Variants in ENTR1 observed in about 807,000 individuals in gnomAD.
The protein encoded by ENTR1 is endosome associated trafficking regulator 1, also known as endosome-associated-trafficking regulator 1.
ENTR1 carries 47 observed loss-of-function variants against 47.9 expected under a neutral mutation model. The ratio of observed to expected loss-of-function variants is 0.98; its 90% CI spans 0.78 to 1.25. The LOEUF is 1.25. Ranked by LOEUF, ENTR1 falls within the 50% of genes most tolerant of loss-of-function variation. The probability of loss-of-function intolerance (pLI) is 0.00; values close to 1 mark genes in which losing one functional copy is unlikely to be tolerated. For synonymous variants in ENTR1, 290 were observed against 245.8 expected, an observed-to-expected ratio of 1.18 and a Z score of -1.68; for missense variants, 668 against 570.5, an observed-to-expected ratio of 1.17 and a Z score of -1.74.
At chr9:136,408,920 A>G (rs989584252) in intron 3 of ENTR1, 79 bp downstream of exon 3, 13 of 1,163,144 alleles carry the variant, frequency 1.1e-5, no homozygotes, top group Non-Finnish European at 1.5e-5. Flanking sequence ...ATAGCCAGTC[A>G]CATTGACAGT....
chr9:136,404,920 G>A (rs1834690303), intron 7 of ENTR1, 171 bp downstream of exon 7: 1 of 677,938 alleles, frequency 1.5e-6, no homozygotes. Flanking sequence ...GCCCTCGTGG[G>A]CCAGCTATCC....
Position 136,404,082 on chromosome 9 carries a change from A to G in ENTR1, c.1181T>C (p.Val394Ala). The G allele has an allele frequency of 6.2e-7, 1 of 1,612,592 alleles. No individual in the cohort carries two copies. The highest frequency in any genetic ancestry group is 1.7e-5 in the Admixed American group (1 of 59,938). Residue 394 changes from valine (V) to alanine (A), a missense_variant, in exon 9 of 10, where the codon GTC (valine) becomes GCC (alanine). Coordinates refer to ENST00000357365, the MANE Select transcript of ENTR1 (RefSeq NM_001039707.2). ...ADVALQNLRV[V>A]MNSAQASIKQ... ...GATGGAAGCCTGTGCACTGTTCATG[A>G]CCACCCGGAGGTTCTGCAGGGCCAC...
In ENTR1 at chr9:136,407,199, A is replaced by C. The variant is rs767927601; in HGVS notation, c.765T>G (p.His255Gln). The stretch of plus-strand genomic sequence containing the variant: ...GGTGCCTGTCTCCCAGAGACTCTCC[A>C]TGAACCGCAAAGTCTGCGCTAGGAC... ...AGSPSADFAV[H>Q]GESLGDRHLR... Residue 255 changes from histidine to glutamine, a missense_variant, in exon 5 of 10, where the codon CAT becomes CAG. Coordinates refer to ENST00000357365, the MANE Select transcript of ENTR1 (RefSeq NM_001039707.2). The C allele has an allele frequency of 3.1e-6, 5 of 1,612,624 alleles. No homozygotes were observed. The Admixed American group carries it at 5.0e-5, about 16-fold the overall frequency.
At position 136,410,612 on chromosome 9, in the gene ENTR1, GA is replaced by G. The variant is rs1835063959; in HGVS notation, c.-216del. On this transcript the variant is annotated 5_prime_UTR_variant, in exon 1 of 10. Transcript: ENST00000357365. ...AACGCCTTGGGCCGTCGGCGAGGGG[GA>G]GGGGAAGCCGTGGGCGGAAGCGGAA... 2 of 1,305,544 alleles carry G rather than the reference GA, an allele frequency of 1.5e-6. No homozygotes were observed. Among genetic ancestry groups the G allele is most frequent in the Non-Finnish European group, 2.0e-6 (2 of 1,022,312 alleles). The allele number at this position is 1,305,544 out of a possible 1,614,324, so 80.9% of individuals were successfully genotyped here. A position where few individuals can be genotyped will look rare whatever the true frequency, so the allele number is the denominator to read the frequency against.
Position 136,410,187 on chromosome 9 carries a change from G to A in ENTR1, c.123C>T (p.Arg41=), listed in dbSNP as rs768727331. ...RSCLPQLNCE[R]PHGRDLDSPF... ...GGGAGTCCAGGTCCCTGCCATGGGG[G>A]CGCTCACAATTTAGCTGGGGGAGAC... Residue 41 remains arginine (R), a synonymous_variant, in exon 2 of 10, where the codon CGC becomes CGT. Transcript: ENST00000357365. 1.7e-5 allele frequency: 28 copies of A among 1,607,150 alleles called. No individual in the cohort carries two copies. Among genetic ancestry groups the A allele is most frequent in the Non-Finnish European group, 2.2e-5 (26 of 1,177,724 alleles).
rs1401888242 is a variant in ENTR1, at chr9:136,401,939, T to G, written c.*849A>C. On this transcript the variant is annotated 3_prime_UTR_variant, in exon 10 of 10. Coordinates refer to ENST00000357365, the MANE Select transcript of ENTR1 (RefSeq NM_001039707.2). ...AGAGACAGTGCGGTGAACTACAGAA[T>G]TTATTAAATAAGAAAGCTATCAATT... is the stretch of plus-strand genomic sequence containing the variant. The G allele has an allele frequency of 6.6e-6, 1 of 152,240 alleles. No homozygotes were observed. The highest frequency in any genetic ancestry group is 1.5e-5 in the Non-Finnish European group (1 of 68,026). 9.4% of individuals were successfully genotyped at this position (152,240 alleles called of 1,614,324 possible). A position where few individuals can be genotyped will look rare whatever the true frequency, so the allele number is the denominator to read the frequency against.
At chr9:136,408,007 C>G (rs773734159) in intron 3 of ENTR1, 69 bp from the exon 4 acceptor site, 3 of 1,021,842 alleles carry the variant, frequency 2.9e-6, no homozygotes, top group Non-Finnish European at 4.6e-6. Context: ...TTCCTGTTCA[C>G]CTGTCTTTCC....
At chr9:136,403,365 T>G (rs1350614391) in intron 9 of ENTR1, among the ~76,000 whole-genome samples, 1 of 86,242 alleles carries the variant, frequency 1.2e-5, no homozygotes, top group Non-Finnish European at 2.5e-5. Flanking sequence ...GGGGTGGGGT[T>G]TGCCGGGGGA....
Position 136,405,904 on chromosome 9 carries a change from CA to C in ENTR1, c.893del (p.Met298ArgfsTer2), listed in dbSNP as rs1398473398. ...GCATTCCTAACTAAAAGCTTACATA[CA>C]TTTCTGTTTGAGCTTCAGAGAAGCT... ...VQSFSEAQTE[M>X]VRTLERKLEA... On this transcript the variant is annotated frameshift_variant and splice_region_variant, in exon 6 of 10. Transcript: ENST00000357365. LOFTEE classifies it high-confidence loss of function. 1.3e-6 allele frequency: 2 copies of C among 1,582,612 alleles called. No individual in the cohort carries two copies. Among genetic ancestry groups the C allele is most frequent in the South Asian group, 2.3e-5 (2 of 86,572 alleles).
At chr9:136,404,751 C>T (rs1168984132) in intron 7 of ENTR1, 58 bp from the exon 8 acceptor site, 32 of 1,576,764 alleles carry the variant, frequency 2.0e-5, no homozygotes, top group South Asian at 1.0e-4. Context: ...ACATTCATAC[C>T]GGACACGGGC....
chr9:136,402,865 T>A lies in ENTR1; in HGVS notation c.1231A>T (p.Thr411Ser). 6.2e-7 allele frequency: 1 copy of A among 1,612,100 alleles called. No individual in the cohort carries two copies. The highest frequency in any genetic ancestry group is 8.5e-7 in the Non-Finnish European group (1 of 1,179,734). The change falls in exon 10 of 10, where the codon ACA (threonine) becomes TCA (serine). Residue 411 changes from threonine to serine, a missense_variant. Physicochemically the swap from Thr to Ser is moderately conservative, Grantham distance 58. Coordinates refer to ENST00000357365, the MANE Select transcript of ENTR1 (RefSeq NM_001039707.2). Reference protein sequence around the residue: ...SIKQLVSGAETLNLVAEILKS... With the variant: ...SIKQLVSGAESLNLVAEILKS... ...AGGATTTCGGCAACAAGATTCAGTGTCTCAGCTCCGGAAACCAGTTGCCTG... is the reference window on the plus strand; with the variant it reads ...AGGATTTCGGCAACAAGATTCAGTGACTCAGCTCCGGAAACCAGTTGCCTG...
At chr9:136,407,086 C>T in intron 5 of ENTR1, 59 bp downstream of exon 5, 2 of 1,509,266 alleles carry the variant, frequency 1.3e-6, no homozygotes, top group South Asian at 2.6e-5. Flanking sequence ...TCCAGGTTCT[C>T]CCCGGGAGAA....
At position 136,404,074 on chromosome 9, in the gene ENTR1, T is replaced by C. The variant is rs1180510048; in HGVS notation, c.1189A>G (p.Ser397Gly). 1.2e-6 allele frequency: 2 copies of C among 1,611,280 alleles called. No homozygotes were observed. Among genetic ancestry groups the C allele is most frequent in the Admixed American group, 1.7e-5 (1 of 59,778 alleles). ...ALQNLRVVMN[S>G]AQASIKQLVS... is the part of the protein sequence containing the mutation. ...ACTCACTTGATGGAAGCCTGTGCAC[T>C]GTTCATGACCACCCGGAGGTTCTGC... Residue 397 changes from serine to glycine, a missense_variant, in exon 9 of 10, where the codon AGT becomes GGT. By Grantham distance (56) the Ser-to-Gly change is moderately conservative. Transcript: ENST00000357365.
chr9:136,406,174 T>A (rs534617638), intron 5 of ENTR1, among the ~76,000 whole-genome samples, 196 bp from the exon 6 acceptor site: 1 of 152,278 alleles, frequency 6.6e-6, no homozygotes, highest in East Asian at 1.9e-4. Flanking sequence ...AGATGCCAGT[T>A]AATTTTACTC....
rs3812580 is a variant in ENTR1 at position 136,407,508 on chromosome 9, G to A, written c.456C>T (p.Thr152=). Residue 152 remains threonine (T), a synonymous_variant, in exon 5 of 10, where the codon ACC becomes ACT. Transcript: ENST00000357365. ...GLDHNSPPSQ[T]GGYGLEYQQP... ...GCTGATACTCCAGGCCATACCCGCC[G>A]GTTTGGGAGGGTGGGGAGTTGTGGT... 62,455 of 1,609,844 alleles carry A rather than the reference G, an allele frequency of 0.039. 1,703 individuals are homozygous for A. Among genetic ancestry groups the A allele is most frequent in the African/African-American group, 0.12 (8,541 of 73,944 alleles).
At chr9:136,404,469 G>A (rs1365894205) in intron 8 of ENTR1, among the ~76,000 whole-genome samples, 162 bp downstream of exon 8, 3 of 152,212 alleles carry the variant, frequency 2.0e-5, no homozygotes, top group Non-Finnish European at 4.4e-5. Flanking sequence ...GCCTCCCTCT[G>A]CTTCACGCCC....
At chr9:136,407,032 C>T in intron 5 of ENTR1, 113 bp downstream of exon 5, 1 of 1,108,620 alleles carries the variant, frequency 9.0e-7, no homozygotes, top group Admixed American at 2.7e-5. Context: ...CGCAAATCGC[C>T]TTGTCCTGGA....
At chr9:136,408,075 G>A (rs1834869136) in intron 3 of ENTR1, 137 bp from the exon 4 acceptor site, 4 of 629,350 alleles carry the variant, frequency 6.4e-6, no homozygotes, top group Non-Finnish European at 5.8e-6. Context: ...CATGACTCAG[G>A]CAGCACTAGG....
At chr9:136,403,340 G>A (rs1442081026) in intron 9 of ENTR1, among the ~76,000 whole-genome samples, 1 of 115,148 alleles carries the variant, frequency 8.7e-6, no homozygotes, top group Non-Finnish European at 1.9e-5. Context: ...AAAGGGACAG[G>A]GTTCCAGGGA....
Sources: allele counts gnomAD v4.1 joint callset (sites outside exome capture counted in the v4.1 genomes callset), GRCh38; gene constraint gnomAD v4.1.1; transcripts MANE v1.5; gene names NCBI Gene and HGNC (gene_info 2026-07-23, HGNC 2026-07-21).